The following ARFIP1 variants were observed in gnomAD, a reference collection of about 807,000 sequenced individuals.
The protein encoded by ARFIP1 is arfaptin-1.
Under a neutral mutation model 42.5 loss-of-function variants are expected in ARFIP1, and 24 were observed. The observed-to-expected ratio is 0.57, with a 90% confidence interval of 0.41 to 0.80. The LOEUF is 0.80. Ranked by LOEUF, ARFIP1 falls within the 30% of genes least tolerant of loss-of-function variation. The pLI is 0.00. For synonymous variants in ARFIP1, 141 were observed against 153.7 expected (o/e 0.92, Z 0.61); for missense variants, 354 against 434.0 (o/e 0.82, Z 1.64).
At chr4:152,900,238 T>C (rs1445249095) in intron 8 of ARFIP1, among the ~76,000 whole-genome samples, 1 of 152,122 alleles carries the variant, frequency 6.6e-6, no homozygotes, top group Non-Finnish European at 1.5e-5. Flanking sequence ...GAAAGACTTT[T>C]TTTGCTAAAG....
In ARFIP1 at chr4:152,852,357, G is replaced by A. The variant is rs558191939; in HGVS notation, c.94-11249G>A. On this transcript the variant is annotated intron_variant, in intron 2 of 8. Transcript: ENST00000353617. ...TAAAAAATTTAAGGGTTGGCCAGGC[G>A]CGGTGGCTCATGCCCGTAATCCTAG... is the stretch of plus-strand genomic sequence containing the variant. Among the ~76,000 whole-genome samples, 144 of 152,268 alleles carry A rather than the reference G, an allele frequency of 9.5e-4. No individual in the cohort carries two copies. The Middle Eastern group carries it at 0.01, about 11-fold the overall frequency.
intron 1 of ARFIP1, among the ~76,000 whole-genome samples, chr4:152,788,140 G>A (rs1455675091): frequency 1.3e-5 from 2 of 152,182 alleles, no homozygotes; most frequent in Non-Finnish European, 2.9e-5. Context: ...GGTTGAGGTG[G>A]AAGATCGTTT....
rs1737706592 is a variant in ARFIP1, at chr4:152,900,211, CAT to C, written c.967-9851_967-9850del. ...AGGGCGGGAACTAACACTGTAAAAA[CAT>C]AGAACAAAAAAGGCGAAAGACTTTT... On this transcript the variant is annotated intron_variant, in intron 8 of 8. Coordinates refer to ENST00000353617, the MANE Select transcript of ARFIP1 (RefSeq NM_001025595.3). Among the ~76,000 whole-genome samples the C allele has an allele frequency of 2.6e-5, 4 of 152,134 alleles. No homozygotes were observed. In the South Asian group the frequency reaches 6.2e-4, roughly 24 times the overall value.
chr4:152,795,014 A>G (rs1731350267), intron 1 of ARFIP1, among the ~76,000 whole-genome samples: 1 of 152,152 alleles, frequency 6.6e-6, no homozygotes, highest in Admixed American at 6.5e-5. Flanking sequence ...GAATTATTAC[A>G]AAATATATCG....
At chr4:152,822,272 A>G (rs1730434976) in intron 1 of ARFIP1, among the ~76,000 whole-genome samples, 1 of 150,654 alleles carries the variant, frequency 6.6e-6, no homozygotes, top group Non-Finnish European at 1.5e-5. Flanking sequence ...TATCAGATCA[A>G]ACAGACTATA....
At chr4:152,791,302 TAGG>T (rs924821119) in intron 1 of ARFIP1, among the ~76,000 whole-genome samples, 8 of 152,220 alleles carry the variant, frequency 5.3e-5, no homozygotes, top group African/African-American at 1.7e-4. Context: ...TTCTTCTTGT[TAGG>T]AGAACTGTCA....
chr4:152,834,630 C>T (rs539863056), intron 2 of ARFIP1, among the ~76,000 whole-genome samples: 6 of 152,336 alleles, frequency 3.9e-5, no homozygotes, highest in South Asian at 2.1e-4. Context: ...CACTGGTGCA[C>T]GGGATGGGCA....
At chr4:152,861,214 G>A (rs115356550) in intron 2 of ARFIP1, among the ~76,000 whole-genome samples, 187 of 152,248 alleles carry the variant, frequency 1.2e-3, no homozygotes, top group African/African-American at 4.3e-3. Context: ...TCGTAATATA[G>A]TCCCAGAGAG....
At chr4:152,908,891 A>AGTTGT (rs1491251737) in intron 8 of ARFIP1, among the ~76,000 whole-genome samples, 39 of 132,564 alleles carry the variant, frequency 2.9e-4, no homozygotes, top group South Asian at 7.8e-4. Context: ...GCTAGAGAGA[A>AGTTGT]GTGTGTGTGT....
chr4:152,880,101 G>T (rs1277942478), intron 5 of ARFIP1, among the ~76,000 whole-genome samples: 4 of 152,272 alleles, frequency 2.6e-5, no homozygotes, highest in South Asian at 4.1e-4. Context: ...CAGCACTTTG[G>T]GAGGCCAAGG....
At chr4:152,812,142 A>T (rs543544902) in intron 1 of ARFIP1, among the ~76,000 whole-genome samples, 20 of 152,188 alleles carry the variant, frequency 1.3e-4, no homozygotes, top group African/African-American at 4.8e-4. Flanking sequence ...TATCTGCATC[A>T]TGAACCATTT....
intron 5 of ARFIP1, among the ~76,000 whole-genome samples, chr4:152,880,295 A>G (rs1489586390): frequency 1.3e-5 from 2 of 151,812 alleles, no homozygotes; most frequent in Non-Finnish European, 2.9e-5. Context: ...GTGAGCCGAG[A>G]TTGGACCACT....
intron 8 of ARFIP1, among the ~76,000 whole-genome samples, chr4:152,908,919 TG>T (rs1738611035): frequency 6.6e-6 from 1 of 151,542 alleles, no homozygotes; most frequent in African/African-American, 2.4e-5. Flanking sequence ...TGTGTGTGTG[TG>T]TGTGTGTGTG....
intron 8 of ARFIP1, among the ~76,000 whole-genome samples, chr4:152,889,867 A>G (rs1055200135): frequency 7.8e-6 from 1 of 128,624 alleles, no homozygotes. Context: ...TATATATACT[A>G]TATATATACT....
At chr4:152,783,561 C>G (rs547208844) in intron 1 of ARFIP1, among the ~76,000 whole-genome samples, 23 of 152,120 alleles carry the variant, frequency 1.5e-4, no homozygotes, top group Non-Finnish European at 2.8e-4. Context: ...CTCAGAATTG[C>G]GCTGGTGGAG....
intron 8 of ARFIP1, among the ~76,000 whole-genome samples, chr4:152,904,914 T>TAATGGGATTGCTGGGTCA (rs1305564668): frequency 2.6e-5 from 4 of 152,216 alleles, no homozygotes; most frequent in African/African-American, 9.7e-5. Flanking sequence ...ATATACCCAG[T>TAATGGGATTGCTGGGTCA]AATGGGATTG....
At chr4:152,784,070 AAGAAGG>A (rs1399142524) in intron 1 of ARFIP1, among the ~76,000 whole-genome samples, 6 of 152,220 alleles carry the variant, frequency 3.9e-5, no homozygotes, top group African/African-American at 1.4e-4. Context: ...TTCAGAATGG[AAGAAGG>A]AGTAAATTAA....
chr4:152,868,383 G>A (rs1370817161), intron 3 of ARFIP1, among the ~76,000 whole-genome samples: 1 of 152,136 alleles, frequency 6.6e-6, no homozygotes, highest in Non-Finnish European at 1.5e-5. Flanking sequence ...CAGTTAGTAA[G>A]ATCCTGTATT....
intron 1 of ARFIP1, among the ~76,000 whole-genome samples, chr4:152,818,042 A>G (rs1730048012): frequency 6.6e-6 from 1 of 152,236 alleles, no homozygotes; most frequent in African/African-American, 2.4e-5. Flanking sequence ...GGAAAACAGT[A>G]TGGTGGTTTC....
Sources: allele counts gnomAD v4.1 joint callset (sites outside exome capture counted in the v4.1 genomes callset), GRCh38; gene constraint gnomAD v4.1.1; transcripts MANE v1.5; gene names NCBI Gene and HGNC (gene_info 2026-07-23, HGNC 2026-07-21).